Variants in TYW1 observed in about 807,000 individuals in gnomAD.
TYW1 encodes the protein tRNA-yW synthesizing protein 1 homolog.
In TYW1, 46 loss-of-function variants were observed where a neutral mutation model predicts 96.2. That is an observed-to-expected ratio of 0.48 (90% CI 0.38 to 0.61). The LOEUF (loss-of-function observed/expected upper bound fraction) is 0.61. Ranked by LOEUF, TYW1 falls within the 20% of genes least tolerant of loss-of-function variation. The probability of loss-of-function intolerance (pLI) is 0.00; values close to 1 mark genes in which losing one functional copy is unlikely to be tolerated. For synonymous variants in TYW1, 274 were observed against 323.0 expected, an observed-to-expected ratio of 0.85 and a Z score of 1.63; for missense variants, 684 against 909.6, an observed-to-expected ratio of 0.75 and a Z score of 3.19.
intron 7 of TYW1, among the ~76,000 whole-genome samples, chr7:67,029,414 T>TATATATATATATATATATAC (rs1562973615): frequency 1.4e-5 from 2 of 138,374 alleles, no homozygotes; most frequent in Admixed American, 1.5e-4. Context: ...TGTGTGTGTG[T>TATATATATATATATATATAC]GTATATATAT....
At chr7:67,001,043 TA>T (rs1402376439) in intron 3 of TYW1, among the ~76,000 whole-genome samples, 2 of 151,960 alleles carry the variant, frequency 1.3e-5, no homozygotes, top group Non-Finnish European at 2.9e-5. Context: ...ATGTTACTTA[TA>T]AAAAACCTTT....
At chr7:67,225,056 T>G (rs1293305650) in intron 15 of TYW1, among the ~76,000 whole-genome samples, 4 of 151,976 alleles carry the variant, frequency 2.6e-5, no homozygotes, top group African/African-American at 9.7e-5. Context: ...GTGGGCATGG[T>G]GGCACTTGCC....
At chr7:67,044,117 T>G (rs1283760044) in intron 7 of TYW1, among the ~76,000 whole-genome samples, 1 of 140,552 alleles carries the variant, frequency 7.1e-6, no homozygotes, top group Non-Finnish European at 1.5e-5. Flanking sequence ...AAGAGTTTTT[T>G]TTTTTTTTTT....
chr7:67,010,649 G>A (rs1050258774), intron 4 of TYW1, among the ~76,000 whole-genome samples: 13 of 151,898 alleles, frequency 8.6e-5, no homozygotes, highest in Admixed American at 8.5e-4. Context: ...CAAATTTTTT[G>A]TATTTTTAGT....
At chr7:67,104,275 G>C (rs1797172733) in intron 12 of TYW1, among the ~76,000 whole-genome samples, 1 of 152,138 alleles carries the variant, frequency 6.6e-6, no homozygotes, top group Non-Finnish European at 1.5e-5. Flanking sequence ...GGTTTAATTG[G>C]CTCACAGTTC....
At chr7:67,095,723 CTA>C (rs1796888202) in intron 11 of TYW1, among the ~76,000 whole-genome samples, 1 of 150,360 alleles carries the variant, frequency 6.7e-6, no homozygotes, top group Admixed American at 6.6e-5. Context: ...GCAGCAGCCC[CTA>C]TGTCTCGTTC....
In TYW1 at chr7:67,009,693, T is replaced by C. The variant is rs780209470; in HGVS notation, c.375+9T>C. The C allele has an allele frequency of 2.5e-6, 4 of 1,583,450 alleles. No homozygotes were observed. Among genetic ancestry groups the C allele is most frequent in the Non-Finnish European group, 3.4e-6 (4 of 1,168,306 alleles). ...ATCATCTGATAGAAGAGGTTGGTAATTGTCTTTTTCTTCAGTCAAAACTCT... is the reference window on the plus strand; with the variant it reads ...ATCATCTGATAGAAGAGGTTGGTAACTGTCTTTTTCTTCAGTCAAAACTCT... On this transcript the variant is annotated intron_variant, in intron 4 of 15. Transcript: ENST00000359626.
Position 66,998,967 on chromosome 7 carries a change from T to C in TYW1, c.273+13T>C, listed in dbSNP as rs757588589. 1.1e-5 allele frequency: 18 copies of C among 1,613,198 alleles called. No individual in the cohort carries two copies. In the South Asian group the frequency reaches 1.5e-4, roughly 14 times the overall value. On this transcript the variant is annotated intron_variant, in intron 3 of 15. Transcript: ENST00000359626. Reference sequence around the variant, plus strand: ...TGGAACAGCGAAGGTAAGAAATTTATATGATGCTTTTCCTTTGGTTTCCTG... The same window carrying C: ...TGGAACAGCGAAGGTAAGAAATTTACATGATGCTTTTCCTTTGGTTTCCTG...
chr7:67,029,437 A>ATATATATATATATATACACAT (rs746024597), intron 7 of TYW1, among the ~76,000 whole-genome samples: 2 of 146,560 alleles, frequency 1.4e-5, no homozygotes, highest in African/African-American at 5.0e-5. Context: ...ATATATAAAT[A>ATATATATATATATATACACAT]GTATTTTCTA....
intron 8 of TYW1, among the ~76,000 whole-genome samples, chr7:67,050,800 AAATT>A (rs1795329361): frequency 2.0e-5 from 3 of 151,894 alleles, no homozygotes. Context: ...GTGTTCTTTC[AAATT>A]AATTCATTTT....
chr7:67,176,973 C>A (rs180770518), intron 13 of TYW1, among the ~76,000 whole-genome samples: 1 of 152,004 alleles, frequency 6.6e-6, no homozygotes, highest in Admixed American at 6.6e-5. Flanking sequence ...TTGTCCCCTG[C>A]GGTGCAGAAT....
chr7:67,169,418 T>G (rs1799450463), intron 13 of TYW1, among the ~76,000 whole-genome samples: 1 of 152,136 alleles, frequency 6.6e-6, no homozygotes, highest in Non-Finnish European at 1.5e-5. Flanking sequence ...CTTTTTTTTT[T>G]GAGATGGAGT....
At chr7:67,103,343 A>G (rs1442670506) in intron 12 of TYW1, among the ~76,000 whole-genome samples, 1 of 152,146 alleles carries the variant, frequency 6.6e-6, no homozygotes, top group East Asian at 1.9e-4. Flanking sequence ...GTATAAGACA[A>G]CCCTCCTAGC....
chr7:67,009,968 A>C (rs1323752427), intron 4 of TYW1, among the ~76,000 whole-genome samples: 1 of 147,808 alleles, frequency 6.8e-6, no homozygotes, highest in African/African-American at 2.5e-5. Flanking sequence ...CCTTCCCACA[A>C]TTTTCTTTTT....
rs564606938 is a variant in TYW1 at position 67,225,234 on chromosome 7, G to A, written c.1978-13074G>A. Among the ~76,000 whole-genome samples the A allele has an allele frequency of 2.7e-5, 4 of 150,942 alleles. No individual in the cohort carries two copies. In the South Asian group the frequency reaches 8.4e-4, roughly 32 times the overall value. On this transcript the variant is annotated intron_variant, in intron 15 of 15. Transcript: ENST00000359626. ...AAAAAAGTAGAAGTCTTGTCCAAGG[G>A]CAAGTAGGACACGACTAGAATTCAA... is the stretch of plus-strand genomic sequence containing the variant.
chr7:67,133,055 C>T (rs1798133139), intron 13 of TYW1, among the ~76,000 whole-genome samples: 1 of 152,152 alleles, frequency 6.6e-6, no homozygotes, highest in East Asian at 1.9e-4. Context: ...CGTACCCTGT[C>T]CTACGTGATT....
At chr7:67,139,588 T>C (rs547721930) in intron 13 of TYW1, among the ~76,000 whole-genome samples, 1 of 152,122 alleles carries the variant, frequency 6.6e-6, no homozygotes, top group African/African-American at 2.4e-5. Flanking sequence ...CCCACAGATA[T>C]GAAAAGTTGG....
intron 14 of TYW1, among the ~76,000 whole-genome samples, chr7:67,189,225 C>T (rs1328913122): frequency 6.6e-6 from 1 of 152,090 alleles, no homozygotes; most frequent in East Asian, 1.9e-4. Flanking sequence ...ACTGTAAATG[C>T]GGGAGTGGCG....
chr7:67,125,821 G>A (rs62468402), intron 13 of TYW1, among the ~76,000 whole-genome samples: 6,067 of 152,224 alleles, frequency 0.04, 178 homozygotes, highest in Middle Eastern at 0.1. Context: ...GAATCATACT[G>A]TATGTAGCCT....
Sources: allele counts gnomAD v4.1 joint callset (sites outside exome capture counted in the v4.1 genomes callset), GRCh38; gene constraint gnomAD v4.1.1; transcripts MANE v1.5; gene names NCBI Gene and HGNC (gene_info 2026-07-23, HGNC 2026-07-21).